PLCB1: variants seen among roughly 807,000 people sequenced by gnomAD.
PLCB1 encodes the protein 1-phosphatidylinositol 4,5-bisphosphate phosphodiesterase beta-1.
Under a neutral mutation model 161.8 loss-of-function variants are expected in PLCB1, and 46 were observed. That is an observed-to-expected ratio of 0.28 (90% CI 0.22 to 0.36). The LOEUF is 0.36. PLCB1 is among the 10% of genes least tolerant of loss of function. PLCB1 has a pLI of 1.00. For synonymous variants in PLCB1, 517 were observed against 503.7 expected, an observed-to-expected ratio of 1.03 and a Z score of -0.35; for missense variants, 1,016 against 1,472.5, an observed-to-expected ratio of 0.69 and a Z score of 5.07.
At chr20:8,646,080 A>G in intron 4 of PLCB1, 22 bp from the exon 5 acceptor site, 1 of 1,539,304 alleles carries the variant, frequency 6.5e-7, no homozygotes. Context: ...AAGCTAATGC[A>G]AGTGTTATTT....
Position 8,882,251 on chromosome 20 carries a change from A to G in PLCB1, c.*402A>G, listed in dbSNP as rs1988023731. On this transcript the variant is annotated 3_prime_UTR_variant, in exon 32 of 32. Transcript: ENST00000338037. ...AATAGTTTGAGAAATGCATAGCATTATTTAACACTATTGAACAGCCGACTT... is the reference window on the plus strand; with the variant it reads ...AATAGTTTGAGAAATGCATAGCATTGTTTAACACTATTGAACAGCCGACTT... 1 of 184,060 alleles carries G rather than the reference A, an allele frequency of 5.4e-6. No individual in the cohort carries two copies. Among genetic ancestry groups the G allele is most frequent in the African/African-American group, 2.4e-5 (1 of 42,250 alleles). The allele number at this position is 184,060 out of a possible 1,614,324, so 11.4% of individuals were successfully genotyped here. A position where few individuals can be genotyped will look rare whatever the true frequency, so the allele number is the denominator to read the frequency against.
chr20:8,166,572 A>G (rs184431800), intron 2 of PLCB1, among the ~76,000 whole-genome samples: 4 of 152,068 alleles, frequency 2.6e-5, no homozygotes, highest in Admixed American at 2.6e-4. Context: ...ACCTTCCAAT[A>G]CCCTGTTCCT....
intron 2 of PLCB1, among the ~76,000 whole-genome samples, chr20:8,221,385 T>A (rs1010204756): frequency 3.9e-5 from 6 of 152,144 alleles, no homozygotes; most frequent in African/African-American, 1.2e-4. Flanking sequence ...ATTTTTTTTA[T>A]ATATCTTTTA....
intron 31 of PLCB1, among the ~76,000 whole-genome samples, chr20:8,832,363 A>AT (rs1161534878): frequency 1.3e-5 from 2 of 152,234 alleles, no homozygotes; most frequent in Non-Finnish European, 2.9e-5. Context: ...AAAACTGCCC[A>AT]TTATAATACT....
chr20:8,839,492 C>A (rs1986413177), intron 31 of PLCB1, among the ~76,000 whole-genome samples: 1 of 152,068 alleles, frequency 6.6e-6, no homozygotes, highest in Non-Finnish European at 1.5e-5. Context: ...TTCAGCAGAT[C>A]CAGTGGTGTC....
intron 31 of PLCB1, among the ~76,000 whole-genome samples, chr20:8,842,205 C>A (rs1315336484): frequency 6.6e-6 from 1 of 152,090 alleles, no homozygotes; most frequent in Non-Finnish European, 1.5e-5. Flanking sequence ...AGCAAACAAT[C>A]AGTAAAAAAT....
chr20:8,288,118 A>G (rs6039122), intron 2 of PLCB1, among the ~76,000 whole-genome samples: 50,066 of 151,956 alleles, frequency 0.33, 8,609 homozygotes, highest in African/African-American at 0.42. Flanking sequence ...GGTACATTGG[A>G]AATTCTTGGC....
intron 3 of PLCB1, among the ~76,000 whole-genome samples, chr20:8,373,952 T>C (rs1377937410): frequency 1.3e-5 from 2 of 152,204 alleles, no homozygotes; most frequent in East Asian, 3.9e-4. Context: ...CTGGAATGTA[T>C]TGAAAATTTC....
intron 2 of PLCB1, among the ~76,000 whole-genome samples, chr20:8,297,211 A>G (rs1370808268): frequency 1.3e-5 from 2 of 152,176 alleles, no homozygotes; most frequent in Non-Finnish European, 2.9e-5. Flanking sequence ...ATATGCATGT[A>G]TATCTATATG....
At chr20:8,354,019 A>T (rs945376140) in intron 2 of PLCB1, among the ~76,000 whole-genome samples, 125 of 131,364 alleles carry the variant, frequency 9.5e-4, no homozygotes, top group Non-Finnish European at 1.3e-3. Flanking sequence ...AAGGCTATTT[A>T]AAAAAAAAAA....
At chr20:8,669,499 A>G (rs977228005) in intron 9 of PLCB1, among the ~76,000 whole-genome samples, 3 of 152,206 alleles carry the variant, frequency 2.0e-5, no homozygotes, top group Non-Finnish European at 4.4e-5. Flanking sequence ...TGTGACCTGA[A>G]TGGAAGCCTT....
chr20:8,214,373 T>A (rs940196519), intron 2 of PLCB1, among the ~76,000 whole-genome samples: 3 of 152,148 alleles, frequency 2.0e-5, no homozygotes, highest in Non-Finnish European at 4.4e-5. Flanking sequence ...ATCTGCCTAT[T>A]TAAAAGTGTG....
At chr20:8,649,532 T>C in intron 7 of PLCB1, 83 bp downstream of exon 7, 2 of 952,212 alleles carry the variant, frequency 2.1e-6, no homozygotes, top group Non-Finnish European at 3.5e-6. Flanking sequence ...TATGACAGTT[T>C]TGAGAGGTAG....
At chr20:8,420,625 G>A (rs1411186384) in intron 3 of PLCB1, among the ~76,000 whole-genome samples, 2 of 152,060 alleles carry the variant, frequency 1.3e-5, no homozygotes, top group East Asian at 1.9e-4. Context: ...AGAACACGTA[G>A]TGTTTAGTTT....
intron 3 of PLCB1, among the ~76,000 whole-genome samples, chr20:8,615,525 C>T (rs1988020364): frequency 6.6e-6 from 1 of 152,144 alleles, no homozygotes; most frequent in Admixed American, 6.6e-5. Flanking sequence ...TTATTATCCA[C>T]CTTCTGAGAT....
At chr20:8,312,892 C>T (rs1984470588) in intron 2 of PLCB1, among the ~76,000 whole-genome samples, 3 of 151,738 alleles carry the variant, frequency 2.0e-5, no homozygotes, top group Admixed American at 6.6e-5. Flanking sequence ...AAATTGTCAC[C>T]GTTTGAAGAG....
intron 31 of PLCB1, among the ~76,000 whole-genome samples, chr20:8,831,699 A>G (rs1985988853): frequency 6.6e-6 from 1 of 152,132 alleles, no homozygotes; most frequent in African/African-American, 2.4e-5. Context: ...GTACAGTTGT[A>G]GCTCACCATA....
chr20:8,197,257 A>G (rs1234117932), intron 2 of PLCB1, among the ~76,000 whole-genome samples: 2 of 152,154 alleles, frequency 1.3e-5, no homozygotes, highest in Admixed American at 1.3e-4. Flanking sequence ...GTCTTCCACA[A>G]TGTTTGAACC....
intron 2 of PLCB1, among the ~76,000 whole-genome samples, chr20:8,193,950 C>G (rs78778603): frequency 2.0e-5 from 3 of 151,828 alleles, no homozygotes; most frequent in Non-Finnish European, 4.4e-5. Context: ...ATGTGATGTT[C>G]AGAAGCTCAG....
Sources: gnomAD v4.1 joint callset for allele counts (sites outside exome capture counted in the v4.1 genomes callset) on GRCh38, gnomAD v4.1.1 for gene constraint, MANE v1.5 for transcripts, NCBI Gene and HGNC (gene_info 2026-07-23, HGNC 2026-07-21) for gene names.